Variants in KDM3A observed in about 807,000 individuals in gnomAD.
The protein encoded by KDM3A is lysine-specific demethylase 3A.
Under a neutral mutation model 158.0 loss-of-function variants are expected in KDM3A, and 60 were observed. The observed-to-expected ratio is 0.38, with a 90% CI of 0.31 to 0.47. KDM3A has a LOEUF of 0.47. Ranked by LOEUF, KDM3A falls within the 20% of genes least tolerant of loss-of-function variation. KDM3A has a pLI of 0.99. For missense variants in KDM3A, 1,319 were observed against 1,574.3 expected, an observed-to-expected ratio of 0.84 and a Z score of 2.74; for synonymous variants, 608 against 549.3, an observed-to-expected ratio of 1.11 and a Z score of -1.49.
intron 14 of KDM3A, 60 bp downstream of exon 14, chr2:86,478,325 G>A: frequency 7.8e-7 from 1 of 1,274,302 alleles, no homozygotes; most frequent in South Asian, 1.2e-5. Context: ...ATGGGAGCTG[G>A]TAGTTTTGTT....
chr2:86,444,387 A>G (rs905198256), intron 2 of KDM3A, among the ~76,000 whole-genome samples: 1 of 152,162 alleles, frequency 6.6e-6, no homozygotes, highest in Admixed American at 6.5e-5. Flanking sequence ...TAAGATGCCA[A>G]TCTTCTGTCT....
chr2:86,450,513 A>G (rs1672411752), intron 3 of KDM3A, among the ~76,000 whole-genome samples: 1 of 152,190 alleles, frequency 6.6e-6, no homozygotes, highest in African/African-American at 2.4e-5. Flanking sequence ...TGATTGTGCT[A>G]TATCCACATT....
Position 86,482,389 on chromosome 2 carries a change from T to A in KDM3A, c.2686-69T>A, listed in dbSNP as rs1245960632. On this transcript the variant is annotated intron_variant, in intron 17 of 25. Coordinates refer to ENST00000312912, the MANE Select transcript of KDM3A (RefSeq NM_018433.6). ...TTCTGGATATGTAATCTATACTCAT[T>A]ATGGGAATGGAGTTTCTTGATGGTA... 2.5e-6 allele frequency: 4 copies of A among 1,575,326 alleles called. No individual in the cohort carries two copies. The African/African-American group carries it at 5.5e-5, about 22-fold the overall frequency.
At chr2:86,454,095 A>T (rs1253220071) in intron 4 of KDM3A, among the ~76,000 whole-genome samples, 1 of 152,202 alleles carries the variant, frequency 6.6e-6, no homozygotes, top group Non-Finnish European at 1.5e-5. Flanking sequence ...CTGACGCCTT[A>T]GGCTATTCAT....
intron 5 of KDM3A, 39 bp downstream of exon 5, chr2:86,455,226 C>T: frequency 9.2e-7 from 1 of 1,087,042 alleles, no homozygotes; most frequent in Non-Finnish European, 1.4e-6. Flanking sequence ...CACGAGTTGA[C>T]CAATGATTAG....
Position 86,474,713 on chromosome 2 carries a change from G to GTGTC in KDM3A, c.1725-60_1725-59insCTGT. ...AGTTGTAAATAAGTTGTGTGTGTGT[G>GTGTC]TGTGTGTGTGTGTGTGTGTGTGTGT... On this transcript the variant is annotated intron_variant, in intron 11 of 25. Coordinates refer to ENST00000312912, the MANE Select transcript of KDM3A (RefSeq NM_018433.6). The GTGTC allele has an allele frequency of 5.7e-6, 4 of 707,402 alleles. No individual in the cohort carries two copies. In the South Asian group the frequency reaches 6.3e-5, roughly 11 times the overall value. The allele number at this position is 707,402 out of a possible 1,614,324, so 43.8% of individuals were successfully genotyped here.
At chr2:86,467,719 T>C (rs879410323) in intron 10 of KDM3A, among the ~76,000 whole-genome samples, 9 of 152,180 alleles carry the variant, frequency 5.9e-5, no homozygotes, top group East Asian at 3.9e-4. Flanking sequence ...GAAATTGATA[T>C]GGATTTTGTT....
At chr2:86,443,096 C>G (rs1023315838) in intron 2 of KDM3A, 1 of 152,174 alleles carries the variant, frequency 6.6e-6, no homozygotes, top group Admixed American at 6.5e-5. Flanking sequence ...CCAACAAAGA[C>G]TCCTTTGTGC....
intron 2 of KDM3A, 26 bp downstream of exon 2, chr2:86,442,259 A>C (rs1682758210): frequency 6.3e-7 from 1 of 1,583,798 alleles, no homozygotes; most frequent in Non-Finnish European, 8.6e-7. Flanking sequence ...GGCCTCTGCC[A>C]CCGGACGTTT....
At chr2:86,443,965 G>A (rs1682849286) in intron 2 of KDM3A, among the ~76,000 whole-genome samples, 1 of 152,116 alleles carries the variant, frequency 6.6e-6, no homozygotes, top group South Asian at 2.1e-4. Context: ...TGATTTGAAT[G>A]GAAACAAGAT....
At chr2:86,467,937 G>T (rs938609635) in intron 10 of KDM3A, among the ~76,000 whole-genome samples, 2 of 152,002 alleles carry the variant, frequency 1.3e-5, no homozygotes, top group Non-Finnish European at 2.9e-5. Context: ...GAGGCAGGGG[G>T]GTTGCTTGAC....
chr2:86,477,912 C>T lies in KDM3A; in HGVS notation c.1975C>T (p.Arg659Ter), dbSNP rs1207692453. 1.2e-6 allele frequency: 2 copies of T among 1,613,180 alleles called. No homozygotes were observed. Among genetic ancestry groups the T allele is most frequent in the Middle Eastern group, 1.7e-4 (1 of 6,054 alleles). Residue 659 changes from arginine to a stop codon, truncating the protein, a stop_gained, in exon 13 of 26, where the codon CGA (arginine) becomes TGA (stop). Transcript: ENST00000312912. LOFTEE classifies it high-confidence loss of function. ...VAWKRAVKGVREMCDVCDTTI... is the reference protein window; with the variant it reads ...VAWKRAVKGV Reference sequence around the variant, plus strand: ...TTGGAAGCGAGCTGTCAAAGGTGTTCGAGAAATGTGTGATGTGTGCGACAC... The same window carrying T: ...TTGGAAGCGAGCTGTCAAAGGTGTTTGAGAAATGTGTGATGTGTGCGACAC...
chr2:86,477,807 C>G lies in KDM3A; in HGVS notation c.1940-70C>G. Reference sequence around the variant, plus strand: ...AGTCACAGGGAGGAATGACAATAACCCCTACCTTTCGTTTTTGGTTTCAGA... The same window carrying G: ...AGTCACAGGGAGGAATGACAATAACGCCTACCTTTCGTTTTTGGTTTCAGA... On this transcript the variant is annotated intron_variant, in intron 12 of 25. Transcript: ENST00000312912. The G allele has an allele frequency of 4.9e-6, 7 of 1,427,790 alleles. No individual in the cohort carries two copies. In the South Asian group the frequency reaches 8.2e-5, roughly 17 times the overall value. The allele number at this position is 1,427,790 out of a possible 1,614,324, so 88.4% of individuals were successfully genotyped here. A position where few individuals can be genotyped will look rare whatever the true frequency, so the allele number is the denominator to read the frequency against.
intron 2 of KDM3A, among the ~76,000 whole-genome samples, chr2:86,445,169 C>T (rs1042779500): frequency 6.6e-6 from 1 of 151,706 alleles, no homozygotes; most frequent in Non-Finnish European, 1.5e-5. Context: ...CCTCTATATC[C>T]CTAGCACCGA....
intron 2 of KDM3A, among the ~76,000 whole-genome samples, chr2:86,443,843 T>G (rs1292387310): frequency 6.6e-6 from 1 of 152,244 alleles, no homozygotes; most frequent in Non-Finnish European, 1.5e-5. Context: ...CTTTTTGCTT[T>G]GGGCTTATAA....
chr2:86,489,868 G>T, intron 23 of KDM3A: 1 of 452,564 alleles, frequency 2.2e-6, no homozygotes. Context: ...AGCAGGCCTT[G>T]TCTTTTATGT....
At chr2:86,473,517 G>A (rs1447019824) in intron 11 of KDM3A, among the ~76,000 whole-genome samples, 2 of 152,134 alleles carry the variant, frequency 1.3e-5, no homozygotes, top group Non-Finnish European at 2.9e-5. Flanking sequence ...GACCAAGGTG[G>A]GAGGATCGCT....
At chr2:86,451,592 T>C (rs1158866525) in intron 4 of KDM3A, among the ~76,000 whole-genome samples, 1 of 152,220 alleles carries the variant, frequency 6.6e-6, no homozygotes, top group Non-Finnish European at 1.5e-5. Flanking sequence ...ACTTTCGGTC[T>C]TGCAATCTCG....
At chr2:86,460,727 C>G (rs914277360) in intron 8 of KDM3A, 2 of 152,106 alleles carry the variant, frequency 1.3e-5, no homozygotes, top group African/African-American at 4.8e-5. Flanking sequence ...CGGCAGTGTC[C>G]TTTTTAGAAT....
Sources: gnomAD v4.1 joint callset for allele counts (sites outside exome capture counted in the v4.1 genomes callset) on GRCh38, gnomAD v4.1.1 for gene constraint, MANE v1.5 for transcripts, NCBI Gene and HGNC (gene_info 2026-07-23, HGNC 2026-07-21) for gene names.